Variants in PSMD11 observed in about 807,000 individuals in gnomAD.
PSMD11 encodes proteasome 26S subunit, non-ATPase 11, also known as 26S proteasome non-ATPase regulatory subunit 11.
A neutral mutation model predicts 62.3 loss-of-function variants in PSMD11; 5 were observed. The ratio of observed to expected loss-of-function variants is 0.08; its 90% CI spans 0.04 to 0.17. The LOEUF (loss-of-function observed/expected upper bound fraction) is 0.17. PSMD11 is among the 10% of genes least tolerant of loss of function. PSMD11 has a pLI of 1.00. For synonymous variants in PSMD11, 191 were observed against 191.8 expected, an observed-to-expected ratio of 1.00 and a Z score of 0.03; for missense variants, 310 against 512.9, an observed-to-expected ratio of 0.60 and a Z score of 3.82.
chr17:32,464,412 A>C (rs1907930989), intron 4 of PSMD11, 109 bp from the exon 5 acceptor site: 1 of 889,298 alleles, frequency 1.1e-6, no homozygotes, highest in African/African-American at 1.7e-5. Flanking sequence ...ATTTGATGCT[A>C]TCATCAGAAA....
At chr17:32,450,560 C>G (rs1356666283) in intron 2 of PSMD11, among the ~76,000 whole-genome samples, 2 of 151,588 alleles carry the variant, frequency 1.3e-5, no homozygotes, top group African/African-American at 2.4e-5. Context: ...AGCCACCGCG[C>G]CCAGCCAAGT....
chr17:32,473,646 C>T (rs761968924), intron 6 of PSMD11, among the ~76,000 whole-genome samples, 155 bp from the exon 7 acceptor site: 4 of 151,656 alleles, frequency 2.6e-5, no homozygotes, highest in Admixed American at 6.6e-5. Flanking sequence ...AACTCCTGGG[C>T]TCACATGATC....
At chr17:32,463,461 A>G (rs1907902713) in intron 3 of PSMD11, 1 of 152,568 alleles carries the variant, frequency 6.6e-6, no homozygotes, top group Non-Finnish European at 1.5e-5. Context: ...AATCGAGATT[A>G]CTCATTACCT....
intron 2 of PSMD11, among the ~76,000 whole-genome samples, chr17:32,452,880 C>G (rs1430530939): frequency 1.3e-5 from 2 of 152,034 alleles, no homozygotes; most frequent in Non-Finnish European, 2.9e-5. Context: ...CAGAGGAGAG[C>G]AACTAAGTTA....
chr17:32,467,117 G>T (rs1908013898), intron 5 of PSMD11, among the ~76,000 whole-genome samples: 1 of 150,574 alleles, frequency 6.6e-6, no homozygotes, highest in African/African-American at 2.4e-5. Flanking sequence ...GCTAATTTTT[G>T]TATTCTTAGT....
chr17:32,458,505 C>G (rs562978088), intron 3 of PSMD11, among the ~76,000 whole-genome samples: 1 of 152,330 alleles, frequency 6.6e-6, no homozygotes, highest in African/African-American at 2.4e-5. Flanking sequence ...GTGGTTTTAA[C>G]TCTTTCAGTG....
At chr17:32,452,562 C>G (rs1345159127) in intron 2 of PSMD11, among the ~76,000 whole-genome samples, 2 of 152,054 alleles carry the variant, frequency 1.3e-5, no homozygotes, top group African/African-American at 4.8e-5. Context: ...ATTGCCAAAG[C>G]CAGGAAGATT....
intron 2 of PSMD11, 89 bp downstream of exon 2, chr17:32,447,135 C>A: frequency 2.0e-6 from 2 of 996,214 alleles, no homozygotes; most frequent in Non-Finnish European, 2.9e-6. Context: ...GATCCACAAA[C>A]TGAATTCAGC....
intron 6 of PSMD11, among the ~76,000 whole-genome samples, chr17:32,473,260 A>G (rs1055748633): frequency 6.6e-6 from 1 of 150,716 alleles, no homozygotes; most frequent in Non-Finnish European, 1.5e-5. Flanking sequence ...CCGAGATTAC[A>G]GGAGTGAACC....
At chr17:32,451,221 A>G (rs1224167794) in intron 2 of PSMD11, among the ~76,000 whole-genome samples, 1 of 152,214 alleles carries the variant, frequency 6.6e-6, no homozygotes. Context: ...GTGCTTAGAG[A>G]AAATATTGTA....
chr17:32,474,089 G>A, intron 7 of PSMD11, 144 bp downstream of exon 7: 10 of 964,688 alleles, frequency 1.0e-5, no homozygotes, highest in Middle Eastern at 3.4e-4. Flanking sequence ...AAGGTAGAGC[G>A]GGAGGATCAA....
At chr17:32,467,809 CTTTTT>C (rs1165065002) in intron 5 of PSMD11, among the ~76,000 whole-genome samples, 2 of 151,916 alleles carry the variant, frequency 1.3e-5, no homozygotes, top group East Asian at 1.9e-4. Flanking sequence ...AAGTTCTTTT[CTTTTT>C]TTTAAGTTTG....
At chr17:32,478,266 A>AGTGTGGATGGAGACTAGACC (rs1301804603) in intron 9 of PSMD11, among the ~76,000 whole-genome samples, 5 of 152,248 alleles carry the variant, frequency 3.3e-5, no homozygotes, top group African/African-American at 1.2e-4. Flanking sequence ...AGAAAAACTT[A>AGTGTGGATGGAGACTAGACC]GTGTGGATGG....
At position 32,477,530 on chromosome 17, in the gene PSMD11, T is replaced by G; in HGVS notation, c.859T>G (p.Leu287Val). 6.2e-7 allele frequency: 1 copy of G among 1,605,654 alleles called. No individual in the cohort carries two copies. The highest frequency in any genetic ancestry group is 8.5e-7 in the Non-Finnish European group (1 of 1,176,646). The change falls in exon 9 of 14, where the codon TTA becomes GTA. Residue 287 changes from leucine (L) to valine (V), a missense_variant. Coordinates refer to ENST00000261712, the MANE Select transcript of PSMD11 (RefSeq NM_002815.4). ...GTCTCTTTATTCTCAGACAGAAGCA[T>G]TAAAATGCGTGGCTCAGGCTAGCAA... ...LRYAGRQTEA[L>V]KCVAQASKNR...
chr17:32,472,253 T>C (rs1908185007), intron 6 of PSMD11, among the ~76,000 whole-genome samples: 1 of 151,584 alleles, frequency 6.6e-6, no homozygotes, highest in Non-Finnish European at 1.5e-5. Flanking sequence ...GACAGTGTCT[T>C]GCTCTGTTGC....
At chr17:32,463,952 A>T (rs1907917378) in intron 3 of PSMD11, 97 bp from the exon 4 acceptor site, 2 of 1,084,652 alleles carry the variant, frequency 1.8e-6, no homozygotes. Context: ...CAACATGGAT[A>T]ATATGTAAGG....
At chr17:32,461,895 G>A (rs1170170324) in intron 3 of PSMD11, among the ~76,000 whole-genome samples, 3 of 152,162 alleles carry the variant, frequency 2.0e-5, no homozygotes, top group African/African-American at 7.2e-5. Context: ...GTTTAGAGTT[G>A]GAGATTAGGT....
At chr17:32,476,656 G>A (rs565377080) in intron 8 of PSMD11, 5 of 152,190 alleles carry the variant, frequency 3.3e-5, no homozygotes, top group Non-Finnish European at 7.3e-5. Flanking sequence ...GCTGAGTGGA[G>A]ACTTAATAGC....
Position 32,444,960 on chromosome 17 carries a change from G to A in PSMD11, c.91+346G>A. On this transcript the variant is annotated intron_variant, in intron 1 of 13. Coordinates refer to ENST00000261712, the MANE Select transcript of PSMD11 (RefSeq NM_002815.4). Reference sequence around the variant, plus strand: ...TGGTCTGGGACCCGGAGCAGTGCCGGCCGGCGTGCTTGTCACGGACTGGTC... The same window carrying A: ...TGGTCTGGGACCCGGAGCAGTGCCGACCGGCGTGCTTGTCACGGACTGGTC... The A allele has an allele frequency of 1.0e-5, 4 of 386,404 alleles. No homozygotes were observed. In the South Asian group the frequency reaches 1.2e-4, roughly 12 times the overall value. 23.9% of individuals were successfully genotyped at this position (386,404 alleles called of 1,614,324 possible).
Sources: allele counts gnomAD v4.1 joint callset (sites outside exome capture counted in the v4.1 genomes callset), GRCh38; gene constraint gnomAD v4.1.1; transcripts MANE v1.5; gene names NCBI Gene and HGNC (gene_info 2026-07-23, HGNC 2026-07-21).